Variants in ATL2 observed in about 807,000 individuals in gnomAD.
The protein encoded by ATL2 is atlastin GTPase 2, also known as atlastin-2.
A neutral mutation model predicts 73.9 loss-of-function variants in ATL2; 31 were observed. The observed-to-expected ratio is 0.42, with a 90% CI of 0.32 to 0.57. The LOEUF is 0.57. ATL2 is among the 20% of genes least tolerant of loss of function. ATL2 has a pLI of 0.14. For missense variants in ATL2, 738 were observed against 702.6 expected (o/e 1.05, Z -0.57); for synonymous variants, 291 against 237.5 (o/e 1.23, Z -2.07).
At chr2:38,317,168 G>A (rs959635205) in intron 4 of ATL2, among the ~76,000 whole-genome samples, 1 of 151,930 alleles carries the variant, frequency 6.6e-6, no homozygotes, top group Non-Finnish European at 1.5e-5. Context: ...AAAAATCCAA[G>A]ACACTGTGAC....
chr2:38,341,817 A>C (rs779646110), intron 2 of ATL2, among the ~76,000 whole-genome samples: 3 of 152,236 alleles, frequency 2.0e-5, no homozygotes, highest in Non-Finnish European at 4.4e-5. Context: ...CTGGAAAACC[A>C]AATGAGAATG....
intron 1 of ATL2, among the ~76,000 whole-genome samples, chr2:38,354,628 G>C (rs1465158750): frequency 6.6e-6 from 1 of 151,930 alleles, no homozygotes; most frequent in East Asian, 1.9e-4. Context: ...GGTGGCTCAC[G>C]TCTGTAATCC....
intron 2 of ATL2, among the ~76,000 whole-genome samples, chr2:38,338,796 T>A (rs1364884393): frequency 6.6e-6 from 1 of 152,100 alleles, no homozygotes; most frequent in African/African-American, 2.4e-5. Flanking sequence ...CCAGATACAA[T>A]GTGATGAGAA....
intron 1 of ATL2, among the ~76,000 whole-genome samples, chr2:38,351,407 C>A (rs1189438166): frequency 6.6e-6 from 1 of 151,982 alleles, no homozygotes; most frequent in South Asian, 2.1e-4. Flanking sequence ...TGGAAAGTGG[C>A]CGAACAGTTA....
chr2:38,296,344 T>C, intron 12 of ATL2: 2 of 1,457,024 alleles, frequency 1.4e-6, no homozygotes, highest in South Asian at 1.5e-5. Flanking sequence ...GAGATGGATG[T>C]GCAATTCCAT....
At chr2:38,352,214 C>T (rs1670398139) in intron 1 of ATL2, among the ~76,000 whole-genome samples, 1 of 149,604 alleles carries the variant, frequency 6.7e-6, no homozygotes, top group Non-Finnish European at 1.5e-5. Flanking sequence ...AAAAATCACC[C>T]CCAATTCTAT....
At chr2:38,342,236 T>C (rs561121160) in intron 2 of ATL2, among the ~76,000 whole-genome samples, 3 of 151,992 alleles carry the variant, frequency 2.0e-5, no homozygotes, top group South Asian at 2.1e-4. Flanking sequence ...TCAATTAAAA[T>C]GTAAGTATCT....
At chr2:38,338,517 C>G (rs1031815076) in intron 2 of ATL2, among the ~76,000 whole-genome samples, 3 of 144,088 alleles carry the variant, frequency 2.1e-5, no homozygotes, top group Admixed American at 1.4e-4. Context: ...TAAATGAGCC[C>G]ACACTGATAT....
At chr2:38,323,933 A>C (rs1020048505) in intron 2 of ATL2, among the ~76,000 whole-genome samples, 1 of 152,230 alleles carries the variant, frequency 6.6e-6, no homozygotes, top group African/African-American at 2.4e-5. Flanking sequence ...TTCATACAAA[A>C]GCCATAAATC....
chr2:38,333,242 T>C (rs368597788), intron 2 of ATL2, among the ~76,000 whole-genome samples: 32 of 151,854 alleles, frequency 2.1e-4, no homozygotes, highest in Middle Eastern at 3.4e-3. Flanking sequence ...TGAGCTGTGA[T>C]TGTGCCTCTT....
Position 38,298,533 on chromosome 2 carries a change from C to G in ATL2, c.1243G>C (p.Glu415Gln), listed in dbSNP as rs777944175. The G allele has an allele frequency of 6.2e-7, 1 of 1,614,148 alleles. No homozygotes were observed. Among genetic ancestry groups the G allele is most frequent in the Non-Finnish European group, 8.5e-7 (1 of 1,179,996 alleles). Residue 415 changes from glutamate (E) to glutamine (Q), a missense_variant, in exon 12 of 13, where the codon GAG becomes CAG. Transcript: ENST00000378954. ...TCCTTGAGATCCAAGTGTTTTCGCTCCAGATCTGAAGGTGCAATGTAAGGC... is the reference window on the plus strand; with the variant it reads ...TCCTTGAGATCCAAGTGTTTTCGCTGCAGATCTGAAGGTGCAATGTAAGGC... ...DKPYIAPSDL[E>Q]RKHLDLKEVA...
chr2:38,362,313 T>C (rs1671059374), intron 1 of ATL2, among the ~76,000 whole-genome samples: 2 of 152,164 alleles, frequency 1.3e-5, no homozygotes, highest in Non-Finnish European at 1.5e-5. Context: ...TTACCAGACA[T>C]ATCACGGGGC....
intron 1 of ATL2, among the ~76,000 whole-genome samples, chr2:38,366,005 T>C (rs779924481): frequency 1.3e-5 from 2 of 150,954 alleles, no homozygotes; most frequent in Admixed American, 1.3e-4. Context: ...ACAGACAAAA[T>C]TCCTACTACA....
intron 2 of ATL2, among the ~76,000 whole-genome samples, chr2:38,327,035 T>C (rs1340064328): frequency 2.0e-5 from 3 of 148,230 alleles, no homozygotes; most frequent in Non-Finnish European, 3.0e-5. Context: ...GGAAATAGGG[T>C]GAAATGTTGA....
intron 5 of ATL2, 136 bp downstream of exon 5, chr2:38,315,148 G>A (rs1667960258): frequency 5.8e-6 from 5 of 855,604 alleles, no homozygotes; most frequent in Non-Finnish European, 8.0e-6. Flanking sequence ...CTACTTGGGA[G>A]GCTGAGGCAG....
intron 1 of ATL2, among the ~76,000 whole-genome samples, chr2:38,374,491 T>A (rs1207921534): frequency 6.6e-6 from 1 of 152,126 alleles, no homozygotes; most frequent in Non-Finnish European, 1.5e-5. Flanking sequence ...CTGGAGAAAA[T>A]CTTTGCGCTG....
chr2:38,332,556 A>C (rs1669062039), intron 2 of ATL2, among the ~76,000 whole-genome samples: 1 of 152,224 alleles, frequency 6.6e-6, no homozygotes, highest in African/African-American at 2.4e-5. Context: ...AACTCTGTGA[A>C]TATACTAAAA....
intron 2 of ATL2, among the ~76,000 whole-genome samples, chr2:38,324,445 C>G (rs991760117): frequency 6.6e-6 from 1 of 152,210 alleles, no homozygotes; most frequent in Non-Finnish European, 1.5e-5. Flanking sequence ...ACAATAAATA[C>G]TGTACACATT....
chr2:38,360,508 C>A (rs1029589006), intron 1 of ATL2, among the ~76,000 whole-genome samples: 1 of 152,138 alleles, frequency 6.6e-6, no homozygotes, highest in African/African-American at 2.4e-5. Flanking sequence ...TCTCAAACTC[C>A]TGGACTAAAG....
Sources: gnomAD v4.1 joint callset for allele counts (sites outside exome capture counted in the v4.1 genomes callset) on GRCh38, gnomAD v4.1.1 for gene constraint, MANE v1.5 for transcripts, NCBI Gene and HGNC (gene_info 2026-07-23, HGNC 2026-07-21) for gene names.